ROBO2: variants seen among roughly 807,000 people sequenced by gnomAD.
The protein encoded by ROBO2 is roundabout homolog 2.
In ROBO2, 53 loss-of-function variants were observed where a neutral mutation model predicts 160.8. The ratio of observed to expected loss-of-function variants is 0.33; its 90% CI spans 0.26 to 0.41. ROBO2 has a LOEUF of 0.41. ROBO2 is among the 10% of genes least tolerant of loss of function. The probability of loss-of-function intolerance (pLI) is 1.00; values close to 1 mark genes in which losing one functional copy is unlikely to be tolerated. For synonymous variants in ROBO2, 664 were observed against 611.7 expected (o/e 1.09, Z -1.26); for missense variants, 1,577 against 1,722.4 (o/e 0.92, Z 1.49).
At chr3:77,093,624 T>C (rs1198873421) in intron 1 of ROBO2, among the ~76,000 whole-genome samples, 1 of 152,196 alleles carries the variant, frequency 6.6e-6, no homozygotes, top group African/African-American at 2.4e-5. Flanking sequence ...GGGTCCATCG[T>C]AAAGACCACT....
At position 76,141,116 on chromosome 3, in the gene ROBO2, G is replaced by GCT. The variant is rs55829903; in HGVS notation, c.109+203557_109+203558dup. ...TGGGTTTATAGGTATGAGCTACCAT[G>GCT]CTCTCTCTCTCTCTCTCTCTCTCTC... On this transcript the variant is annotated intron_variant, in intron 2 of 26. Transcript: ENST00000487694. 2.2e-3 allele frequency among the ~76,000 whole-genome samples: 36 copies of GCT among 16,682 alleles called. 1 individual carries two copies. Among genetic ancestry groups the GCT allele is most frequent in the East Asian group, 3.2e-3 (1 of 314 alleles). The allele number at this position is 16,682 out of a possible 152,430, so 10.9% of individuals were successfully genotyped here.
chr3:77,009,933 G>C (rs1453741686), intron 2 of ROBO2, among the ~76,000 whole-genome samples: 1 of 122,988 alleles, frequency 8.1e-6, no homozygotes, highest in Admixed American at 9.4e-5. Context: ...GTGACAGAGT[G>C]AGACTCTGTC....
chr3:77,082,647 A>G (rs569151269), intron 1 of ROBO2, among the ~76,000 whole-genome samples: 3 of 151,654 alleles, frequency 2.0e-5, no homozygotes, highest in African/African-American at 7.2e-5. Flanking sequence ...TTACACTCAT[A>G]TATACAATTT....
chr3:76,707,643 GGATTT>G (rs1450658501), intron 2 of ROBO2, among the ~76,000 whole-genome samples: 1 of 150,270 alleles, frequency 6.7e-6, no homozygotes, highest in Non-Finnish European at 1.5e-5. Flanking sequence ...AAGACCCATG[GGATTT>G]TCATTCTCTG....
At chr3:76,240,990 G>T (rs961492961) in intron 2 of ROBO2, among the ~76,000 whole-genome samples, 1 of 152,194 alleles carries the variant, frequency 6.6e-6, no homozygotes, top group Non-Finnish European at 1.5e-5. Context: ...TATGGAAGTT[G>T]TAGATTTGGG....
intron 2 of ROBO2, among the ~76,000 whole-genome samples, chr3:76,280,467 A>C (rs1163820578): frequency 6.6e-6 from 1 of 152,044 alleles, no homozygotes; most frequent in Non-Finnish European, 1.5e-5. Context: ...AGCCAGAAAG[A>C]GAGCCCTTAC....
At chr3:76,540,787 ATTATTT>A (rs1413800849) in intron 2 of ROBO2, among the ~76,000 whole-genome samples, 40 of 152,004 alleles carry the variant, frequency 2.6e-4, no homozygotes, top group African/African-American at 4.8e-5. Flanking sequence ...TTTTGATTTA[ATTATTT>A]TTATTTTTAT....
At chr3:77,068,752 G>A (rs575250391) in intron 1 of ROBO2, among the ~76,000 whole-genome samples, 33 of 152,226 alleles carry the variant, frequency 2.2e-4, no homozygotes, top group African/African-American at 7.7e-4. Context: ...TAATTCCACA[G>A]TATAGTGCCC....
intron 2 of ROBO2, among the ~76,000 whole-genome samples, chr3:76,965,785 GTATATATATATA>G (rs62885160): frequency 4.6e-5 from 6 of 129,208 alleles, no homozygotes; most frequent in African/African-American, 9.4e-5. Context: ...TTGTGTTTGT[GTATATATATATA>G]TATATATATA....
chr3:76,695,821 G>A (rs1234064939), intron 2 of ROBO2, among the ~76,000 whole-genome samples: 1 of 152,150 alleles, frequency 6.6e-6, no homozygotes, highest in Non-Finnish European at 1.5e-5. Context: ...TTTGAATCCA[G>A]GTAGTCTGGC....
At chr3:76,547,509 GAA>G (rs1453358973) in intron 2 of ROBO2, among the ~76,000 whole-genome samples, 2 of 151,842 alleles carry the variant, frequency 1.3e-5, no homozygotes, top group African/African-American at 4.8e-5. Flanking sequence ...AGAAAAGAAA[GAA>G]AGCATTAAAC....
chr3:77,312,726 A>T (rs1343632594), intron 2 of ROBO2, among the ~76,000 whole-genome samples: 4 of 152,202 alleles, frequency 2.6e-5, no homozygotes, highest in Non-Finnish European at 5.9e-5. Flanking sequence ...TGAAGGGTAC[A>T]CATAGTTTGC....
chr3:76,325,059 C>T (rs1256308914), intron 2 of ROBO2, among the ~76,000 whole-genome samples: 3 of 152,212 alleles, frequency 2.0e-5, no homozygotes, highest in Admixed American at 6.5e-5. Flanking sequence ...GAGCAGAGAT[C>T]GCACCACTGC....
intron 2 of ROBO2, among the ~76,000 whole-genome samples, chr3:76,939,649 T>G (rs897126735): frequency 7.2e-5 from 11 of 152,068 alleles, no homozygotes; most frequent in Non-Finnish European, 1.2e-4. Context: ...CCAGGCGTGG[T>G]GATGCATGCC....
intron 2 of ROBO2, among the ~76,000 whole-genome samples, chr3:77,346,418 A>C (rs2153454861): frequency 6.6e-6 from 1 of 152,266 alleles, no homozygotes; most frequent in South Asian, 2.1e-4. Flanking sequence ...CTACTCTTAC[A>C]ACTATTTTAA....
At position 76,674,598 on chromosome 3, in the gene ROBO2, T is replaced by TCACACACACACACACA. The variant is rs71104613; in HGVS notation, c.110-423399_110-423384dup. Among the ~76,000 whole-genome samples, 749 of 148,156 alleles carry TCACACACACACACACA rather than the reference T, an allele frequency of 5.1e-3. 7 individuals are homozygous for TCACACACACACACACA. Among genetic ancestry groups the TCACACACACACACACA allele is most frequent in the Admixed American group, 8.7e-3 (129 of 14,808 alleles). On this transcript the variant is annotated intron_variant, in intron 2 of 26. Coordinates refer to the ROBO2 transcript ENST00000487694. ...TTCTAACCCTAGCCCACCTCCTAGT[T>TCACACACACACACACA]CACACACACACACACACACACACAC... is the stretch of plus-strand genomic sequence containing the variant.
In ROBO2 at chr3:77,493,470, C is replaced by T. The variant is rs191284189; in HGVS notation, c.806+88C>T. ...ACAGCTACAATGCCACCACCAAACA[C>T]TCCTATGTCTTGGGGTACTTTCACT... On this transcript the variant is annotated intron_variant, in intron 5 of 25. Coordinates refer to ENST00000461745, the Ensembl canonical transcript of ROBO2. 102 of 1,383,602 alleles carry T rather than the reference C, an allele frequency of 7.4e-5. 2 individuals carry two copies. In the African/African-American group the frequency reaches 1.3e-3, roughly 17 times the overall value. The allele number at this position is 1,383,602 out of a possible 1,614,324, so 85.7% of individuals were successfully genotyped here. A position where few individuals can be genotyped will look rare whatever the true frequency, so the allele number is the denominator to read the frequency against.
At chr3:76,283,218 C>T (rs1447124005) in intron 2 of ROBO2, among the ~76,000 whole-genome samples, 1 of 141,924 alleles carries the variant, frequency 7.0e-6, no homozygotes, top group Non-Finnish European at 1.5e-5. Flanking sequence ...TAGTAATAAT[C>T]TGTAATAATT....
intron 2 of ROBO2, among the ~76,000 whole-genome samples, chr3:76,101,052 G>A (rs188564292): frequency 3.1e-4 from 47 of 152,118 alleles, no homozygotes; most frequent in African/African-American, 1.1e-3. Context: ...AGCCAAGGAA[G>A]CAAAGTATGT....
Sources: allele counts gnomAD v4.1 joint callset (sites outside exome capture counted in the v4.1 genomes callset), GRCh38; gene constraint gnomAD v4.1.1; transcripts MANE v1.5; gene names NCBI Gene and HGNC (gene_info 2026-07-23, HGNC 2026-07-21).